Variants in XPR1 observed in about 807,000 individuals in gnomAD.
XPR1 encodes the protein solute carrier family 53 member 1.
XPR1 carries 28 observed loss-of-function variants against 87.5 expected under a neutral mutation model. The observed-to-expected ratio is 0.32, with a 90% CI of 0.24 to 0.44. The LOEUF is 0.44. Ranked by LOEUF, XPR1 falls within the 20% of genes least tolerant of loss-of-function variation. XPR1 has a pLI of 1.00. For missense variants in XPR1, 559 were observed against 862.3 expected, an observed-to-expected ratio of 0.65 and a Z score of 4.41; for synonymous variants, 300 against 306.1, an observed-to-expected ratio of 0.98 and a Z score of 0.21.
At position 180,669,961 on chromosome 1, in the gene XPR1, A is replaced by G. The variant is rs142099645; in HGVS notation, c.70-12399A>G. Among the ~76,000 whole-genome samples, 671 of 152,300 alleles carry G rather than the reference A, an allele frequency of 4.4e-3. 4 individuals are homozygous for G. The highest frequency in any genetic ancestry group is 0.015 in the African/African-American group (634 of 41,570). Reference sequence around the variant, plus strand: ...ACAAAACTGTGGAAAGTGAAACTGTATGAGGGGTGACTACTGTAAATGTTA... The same window carrying G: ...ACAAAACTGTGGAAAGTGAAACTGTGTGAGGGGTGACTACTGTAAATGTTA... On this transcript the variant is annotated intron_variant, in intron 1 of 14. Transcript: ENST00000367590.
intron 2 of XPR1, among the ~76,000 whole-genome samples, chr1:180,715,538 GCATTCTTT>G (rs1657960087): frequency 6.6e-6 from 1 of 152,134 alleles, no homozygotes; most frequent in South Asian, 2.1e-4. Flanking sequence ...GGGCATTTCA[GCATTCTTT>G]CCACTGAACC....
intron 2 of XPR1, among the ~76,000 whole-genome samples, chr1:180,756,232 A>G (rs1204903231): frequency 6.6e-6 from 1 of 152,236 alleles, no homozygotes; most frequent in East Asian, 1.9e-4. Context: ...CTGTCTTGCA[A>G]TCTTCTGAAG....
chr1:180,690,555 A>G (rs988588056), intron 2 of XPR1, among the ~76,000 whole-genome samples: 2 of 151,624 alleles, frequency 1.3e-5, no homozygotes, highest in East Asian at 3.9e-4. Flanking sequence ...CATTTCCCCC[A>G]TTTTTTCCTA....
chr1:180,758,340 G>A (rs1011475996), intron 2 of XPR1, among the ~76,000 whole-genome samples: 1 of 152,078 alleles, frequency 6.6e-6, no homozygotes, highest in African/African-American at 2.4e-5. Context: ...CAGAGACGGG[G>A]AAGGGGAGGA....
intron 11 of XPR1, among the ~76,000 whole-genome samples, chr1:180,841,425 T>C (rs1651512024): frequency 6.6e-6 from 1 of 152,076 alleles, no homozygotes; most frequent in African/African-American, 2.4e-5. Flanking sequence ...TAATGGTACC[T>C]ATTCTGTTTG....
At chr1:180,693,313 C>T (rs535035457) in intron 2 of XPR1, among the ~76,000 whole-genome samples, 7 of 152,258 alleles carry the variant, frequency 4.6e-5, no homozygotes, top group African/African-American at 1.7e-4. Context: ...AACGAGAAAG[C>T]TAGAAAGAAG....
chr1:180,751,576 A>T (rs1360722219), intron 2 of XPR1, among the ~76,000 whole-genome samples: 2 of 152,128 alleles, frequency 1.3e-5, no homozygotes, highest in East Asian at 1.9e-4. Context: ...ATTTTACAGT[A>T]AACACATTTG....
intron 2 of XPR1, among the ~76,000 whole-genome samples, chr1:180,751,773 A>G (rs2102038315): frequency 6.6e-6 from 1 of 152,270 alleles, no homozygotes; most frequent in South Asian, 2.1e-4. Flanking sequence ...TTCCAGTGGT[A>G]GAACCTCTCT....
At chr1:180,820,123 GT>G (rs199698014) in intron 7 of XPR1, among the ~76,000 whole-genome samples, 10 of 151,090 alleles carry the variant, frequency 6.6e-5, no homozygotes, top group African/African-American at 2.2e-4. Flanking sequence ...TTCCTTTTCT[GT>G]TTTTTTTAAT....
intron 1 of XPR1, among the ~76,000 whole-genome samples, chr1:180,679,281 A>G (rs1656478691): frequency 6.6e-6 from 1 of 152,168 alleles, no homozygotes; most frequent in Admixed American, 6.5e-5. Flanking sequence ...ATGCTTGAAT[A>G]TTTGTGCTGG....
Position 180,684,221 on chromosome 1 carries a change from A to G in XPR1, c.121+1810A>G, listed in dbSNP as rs1026809381. Among the ~76,000 whole-genome samples the G allele has an allele frequency of 1.2e-3, 176 of 152,284 alleles. 2 individuals carry two copies. The South Asian group carries it at 0.016, about 14-fold the overall frequency. On this transcript the variant is annotated intron_variant, in intron 2 of 14. Transcript: ENST00000367590. ...TTTCCCAGCACCATTTATTAAATAG[A>G]GAATCCTTTCCCCATTGCTTGTTTT...
chr1:180,787,888 G>A (rs777053878), intron 3 of XPR1, 34 bp downstream of exon 3: 33 of 1,450,210 alleles, frequency 2.3e-5, no homozygotes, highest in East Asian at 6.8e-5. Flanking sequence ...TTTTGCTGCC[G>A]GGGAAGGATA....
At chr1:180,821,978 T>TTGTA (rs1441929340) in intron 7 of XPR1, among the ~76,000 whole-genome samples, 1 of 152,208 alleles carries the variant, frequency 6.6e-6, no homozygotes, top group Non-Finnish European at 1.5e-5. Context: ...TTGTAATGCA[T>TTGTA]CTGTGGTCTT....
intron 2 of XPR1, among the ~76,000 whole-genome samples, chr1:180,703,561 C>T (rs1657438714): frequency 6.6e-6 from 1 of 152,176 alleles, no homozygotes; most frequent in South Asian, 2.1e-4. Flanking sequence ...AGTCCTCAGT[C>T]ATCCTGATGA....
intron 10 of XPR1, 56 bp from the exon 11 acceptor site, chr1:180,836,466 A>T: frequency 6.2e-7 from 1 of 1,600,046 alleles, no homozygotes; most frequent in East Asian, 2.2e-5. Context: ...TGGCTAAATG[A>T]TGTGAACAAG....
chr1:180,768,932 A>G (rs1241704740), intron 2 of XPR1, among the ~76,000 whole-genome samples: 1 of 152,230 alleles, frequency 6.6e-6, no homozygotes, highest in Admixed American at 6.5e-5. Flanking sequence ...GGCACATAGA[A>G]TTGAAAGAAC....
At chr1:180,645,368 A>C (rs1035806658) in intron 1 of XPR1, among the ~76,000 whole-genome samples, 2 of 152,206 alleles carry the variant, frequency 1.3e-5, no homozygotes, top group African/African-American at 4.8e-5. Flanking sequence ...TGTTTGAAAC[A>C]TGTCAGAAAT....
chr1:180,742,543 G>T (rs1258205356), intron 2 of XPR1, among the ~76,000 whole-genome samples: 1 of 151,994 alleles, frequency 6.6e-6, no homozygotes, highest in East Asian at 1.9e-4. Flanking sequence ...TATGACCCAG[G>T]ATATAGTCTG....
intron 11 of XPR1, among the ~76,000 whole-genome samples, chr1:180,839,469 A>G (rs1211666455): frequency 2.0e-5 from 3 of 152,224 alleles, no homozygotes; most frequent in Non-Finnish European, 4.4e-5. Context: ...TTATGATGAA[A>G]TAATTTTATC....
Sources: allele counts gnomAD v4.1 joint callset (sites outside exome capture counted in the v4.1 genomes callset), GRCh38; gene constraint gnomAD v4.1.1; transcripts MANE v1.5; gene names NCBI Gene and HGNC (gene_info 2026-07-23, HGNC 2026-07-21).